The following TMEM135 variants were observed in gnomAD, a reference collection of about 807,000 sequenced individuals.
The protein encoded by TMEM135 is transmembrane protein 135.
A neutral mutation model predicts 60.3 loss-of-function variants in TMEM135; 30 were observed. That is an observed-to-expected ratio of 0.50 (90% confidence interval 0.37 to 0.68). The LOEUF (loss-of-function observed/expected upper bound fraction) is 0.68, where lower values mean the gene tolerates loss of function less well. TMEM135 is among the 30% of genes least tolerant of loss of function. The probability of loss-of-function intolerance (pLI) is 0.00; values close to 1 mark genes in which losing one functional copy is unlikely to be tolerated. For synonymous variants in TMEM135, 190 were observed against 186.7 expected (o/e 1.02, Z -0.14); for missense variants, 468 against 548.8 (o/e 0.85, Z 1.47).
chr11:87,315,172 CCTT>C (rs1565169058), intron 12 of TMEM135, among the ~76,000 whole-genome samples: 1 of 151,764 alleles, frequency 6.6e-6, no homozygotes, highest in East Asian at 1.9e-4. Flanking sequence ...TCCTCCTCTT[CCTT>C]CTCCTCCTCC....
At chr11:87,228,372 A>AGAG (rs1491484219) in intron 5 of TMEM135, among the ~76,000 whole-genome samples, 1 of 152,200 alleles carries the variant, frequency 6.6e-6, no homozygotes, top group Non-Finnish European at 1.5e-5. Context: ...TTCAAGTTGC[A>AGAG]GAGTTATAAA....
chr11:87,213,287 T>C (rs1419886430), intron 5 of TMEM135, among the ~76,000 whole-genome samples: 1 of 152,186 alleles, frequency 6.6e-6, no homozygotes, highest in Non-Finnish European at 1.5e-5. Context: ...CAGTGTCCTG[T>C]GGAAGATGTA....
intron 12 of TMEM135, among the ~76,000 whole-genome samples, chr11:87,316,421 C>T (rs1009794319): frequency 6.6e-6 from 1 of 151,896 alleles, no homozygotes; most frequent in Non-Finnish European, 1.5e-5. Context: ...GTTTTTTTCT[C>T]AGTGCACTGG....
intron 8 of TMEM135, 86 bp downstream of exon 8, chr11:87,302,528 A>G (rs1309717395): frequency 1.9e-6 from 3 of 1,539,212 alleles, no homozygotes; most frequent in African/African-American, 2.7e-5. Context: ...TTTGTTTTCT[A>G]TTCAGGTAAT....
At chr11:87,156,887 A>G (rs1212907679) in intron 4 of TMEM135, among the ~76,000 whole-genome samples, 1 of 152,174 alleles carries the variant, frequency 6.6e-6, no homozygotes, top group Non-Finnish European at 1.5e-5. Context: ...AAGCAAACTA[A>G]TTCGAAACTA....
At chr11:87,106,053 C>T (rs1334681690) in intron 4 of TMEM135, among the ~76,000 whole-genome samples, 1 of 151,470 alleles carries the variant, frequency 6.6e-6, no homozygotes, top group Non-Finnish European at 1.5e-5. Context: ...GCTTTTTTCA[C>T]TTAATATAAT....
At chr11:87,315,859 C>G (rs1198035495) in intron 12 of TMEM135, among the ~76,000 whole-genome samples, 1 of 151,890 alleles carries the variant, frequency 6.6e-6, no homozygotes, top group African/African-American at 2.4e-5. Context: ...GATTTATTTT[C>G]ATTATGCTCA....
At chr11:87,184,921 T>C (rs1939612841) in intron 5 of TMEM135, among the ~76,000 whole-genome samples, 1 of 152,178 alleles carries the variant, frequency 6.6e-6, no homozygotes, top group South Asian at 2.1e-4. Context: ...TTGTATATTA[T>C]AAAATGATTT....
intron 5 of TMEM135, among the ~76,000 whole-genome samples, chr11:87,226,764 C>A (rs1413900044): frequency 2.6e-5 from 4 of 152,054 alleles, no homozygotes; most frequent in Non-Finnish European, 5.9e-5. Flanking sequence ...AGAATGGTTG[C>A]CTGGGTGTGG....
chr11:87,287,689 TAATA>T (rs1428754188), intron 6 of TMEM135, among the ~76,000 whole-genome samples: 5 of 152,048 alleles, frequency 3.3e-5, no homozygotes, highest in Non-Finnish European at 7.4e-5. Context: ...AATTAATAAA[TAATA>T]AATAAATGTA....
At chr11:87,039,423 G>A (rs1251008847) in intron 1 of TMEM135, among the ~76,000 whole-genome samples, 1 of 152,166 alleles carries the variant, frequency 6.6e-6, no homozygotes, top group African/African-American at 2.4e-5. Flanking sequence ...GCTGATGGTG[G>A]GGGCTGCACT....
At chr11:87,189,419 C>A (rs948569539) in intron 5 of TMEM135, among the ~76,000 whole-genome samples, 1 of 152,096 alleles carries the variant, frequency 6.6e-6, no homozygotes, top group Non-Finnish European at 1.5e-5. Flanking sequence ...CCTCAGGCTC[C>A]CAGATTGTTG....
At chr11:87,285,015 C>A (rs1942137853) in intron 6 of TMEM135, among the ~76,000 whole-genome samples, 1 of 152,102 alleles carries the variant, frequency 6.6e-6, no homozygotes, top group Non-Finnish European at 1.5e-5. Context: ...TTGAAATAAT[C>A]AATTTAACCT....
chr11:87,251,788 G>T (rs1458240645), intron 6 of TMEM135, among the ~76,000 whole-genome samples: 1 of 152,184 alleles, frequency 6.6e-6, no homozygotes, highest in Non-Finnish European at 1.5e-5. Context: ...TGAGCACCTA[G>T]AACAGTGACT....
At position 87,322,018 on chromosome 11, in the gene TMEM135, C is replaced by G. The variant is rs1432438995; in HGVS notation, c.*685C>G. ...TGGGCTATTTGGCAGCCCAGTGAACCTATGTACTAATGGCAAGTTAGGGGC... is the reference window on the plus strand; with the variant it reads ...TGGGCTATTTGGCAGCCCAGTGAACGTATGTACTAATGGCAAGTTAGGGGC... On this transcript the variant is annotated 3_prime_UTR_variant, in exon 15 of 15. Transcript: ENST00000305494. 1 of 454,188 alleles carries G rather than the reference C, an allele frequency of 2.2e-6. No homozygotes were observed. The highest frequency in any genetic ancestry group is 1.6e-5 in the South Asian group (1 of 64,456). 28.1% of individuals were successfully genotyped at this position (454,188 alleles called of 1,614,324 possible).
chr11:87,302,357 A>G lies in TMEM135; in HGVS notation c.613A>G (p.Lys205Glu), dbSNP rs948141930. The change falls in exon 8 of 15, where the codon AAA (lysine) becomes GAA (glutamate). Residue 205 changes from lysine (K) to glutamate (E), a missense_variant. Physicochemically the swap from Lys to Glu is moderately conservative, Grantham distance 56 (BLOSUM62 1). Transcript: ENST00000305494. ...TTTTTCACCAGAGGCAGCATATGCA[A>G]AAGTGGAACAAAAGAGAGAGCAACA... ...HSFSPEAAYA[K>E]VEQKREQHEE... is the part of the protein sequence containing the mutation. 6.2e-7 allele frequency: 1 copy of G among 1,613,850 alleles called. No homozygotes were observed. Among genetic ancestry groups the G allele is most frequent in the Non-Finnish European group, 8.5e-7 (1 of 1,179,952 alleles).
intron 6 of TMEM135, among the ~76,000 whole-genome samples, chr11:87,273,883 T>A (rs1439091335): frequency 1.4e-5 from 2 of 144,524 alleles, no homozygotes; most frequent in Non-Finnish European, 3.2e-5. Flanking sequence ...TTTATTTGCA[T>A]TTTTCCCCCC....
chr11:87,063,825 T>A (rs1347410728), intron 1 of TMEM135, among the ~76,000 whole-genome samples: 2 of 152,244 alleles, frequency 1.3e-5, no homozygotes, highest in East Asian at 3.8e-4. Flanking sequence ...GGTCTATCAA[T>A]ATGGTAAATA....
At chr11:87,285,656 C>T (rs1014637717) in intron 6 of TMEM135, among the ~76,000 whole-genome samples, 3 of 152,152 alleles carry the variant, frequency 2.0e-5, no homozygotes, top group East Asian at 1.9e-4. Flanking sequence ...AAAAGAAGTG[C>T]GGACCTAAAG....
Sources: gnomAD v4.1 joint callset for allele counts (sites outside exome capture counted in the v4.1 genomes callset) on GRCh38, gnomAD v4.1.1 for gene constraint, MANE v1.5 for transcripts, NCBI Gene and HGNC (gene_info 2026-07-23, HGNC 2026-07-21) for gene names.